ERMAP: variants seen among roughly 807,000 people sequenced by gnomAD.
ERMAP encodes erythroid membrane-associated protein.
In ERMAP, 34 loss-of-function variants were observed where a neutral mutation model predicts 49.5. The ratio of observed to expected loss-of-function variants is 0.69; its 90% CI spans 0.52 to 0.91. The LOEUF is 0.91. Among genes scored for constraint, ERMAP ranks in the 40% least tolerant of loss-of-function variants. The probability of loss-of-function intolerance (pLI) is 0.00; values close to 1 mark genes in which losing one functional copy is unlikely to be tolerated. For missense variants in ERMAP, 541 were observed against 582.6 expected (o/e 0.93, Z 0.74); for synonymous variants, 214 against 232.2 (o/e 0.92, Z 0.71).
At chr1:42,833,111 A>G (rs1172072703) in intron 4 of ERMAP, among the ~76,000 whole-genome samples, 2 of 152,256 alleles carry the variant, frequency 1.3e-5, no homozygotes, top group Admixed American at 6.5e-5. Context: ...TGGCCAAGAG[A>G]AGACCACAGC....
In ERMAP at chr1:42,817,335, G is replaced by A. The variant is rs1654266362; in HGVS notation, c.-122+82G>A. ...GTCCTGGGCGGGGCCGCGCGCCGGG[G>A]GGAGGGGCGCAGGGCCGAGCGCCAG... is the stretch of plus-strand genomic sequence containing the variant. On this transcript the variant is annotated intron_variant, in intron 1 of 11. Coordinates refer to ENST00000372517, the MANE Select transcript of ERMAP (RefSeq NM_001017922.2). 5.9e-6 allele frequency: 6 copies of A among 1,023,188 alleles called. No homozygotes were observed. The South Asian group carries it at 9.7e-5, about 17-fold the overall frequency. 63.4% of individuals were successfully genotyped at this position (1,023,188 alleles called of 1,614,324 possible). A position where few individuals can be genotyped will look rare whatever the true frequency, so the allele number is the denominator to read the frequency against.
intron 2 of ERMAP, among the ~76,000 whole-genome samples, chr1:42,826,331 A>G (rs546796943): frequency 3.4e-4 from 52 of 152,252 alleles, no homozygotes; most frequent in African/African-American, 1.2e-3. Flanking sequence ...GAAATGAATC[A>G]CCATCAAACA....
intron 7 of ERMAP, 26 bp downstream of exon 7, chr1:42,837,216 AG>A (rs757883611): frequency 4.4e-6 from 7 of 1,607,676 alleles, no homozygotes; most frequent in Non-Finnish European, 6.0e-6. Context: ...AGTAAGGGGT[AG>A]GGAACAAAAA....
Position 42,843,051 on chromosome 1 carries a change from A to C in ERMAP, c.1247A>C (p.His416Pro). The change falls in exon 12 of 12, where the codon CAC (histidine) becomes CCC (proline). Residue 416 changes from histidine (H) to proline (P), a missense_variant. Coordinates refer to ENST00000372517, the MANE Select transcript of ERMAP (RefSeq NM_001017922.2). ...CCTCTAGTCATTTGTTCAGAACTAC[A>C]CAAATCAGAGGAATCAATTGTCCCC... ...TAPLVICSEL[H>P]KSEESIVPRP... 6.2e-7 allele frequency: 1 copy of C among 1,614,184 alleles called. No homozygotes were observed. The highest frequency in any genetic ancestry group is 8.5e-7 in the Non-Finnish European group (1 of 1,180,026).
intron 1 of ERMAP, among the ~76,000 whole-genome samples, chr1:42,820,158 G>C (rs2124275246): frequency 6.6e-6 from 1 of 152,040 alleles, no homozygotes; most frequent in Middle Eastern, 3.4e-3. Flanking sequence ...GGCTACTCTT[G>C]AGGAGACTGA....
chr1:42,825,446 G>A, intron 1 of ERMAP, 177 bp from the exon 2 acceptor site: 1 of 1,154,800 alleles, frequency 8.7e-7, no homozygotes, highest in South Asian at 1.8e-5. Context: ...GTCATACTCA[G>A]TGGTTCCCTC....
rs1252962040 is a variant in ERMAP at position 42,835,748 on chromosome 1, A to G, written c.567A>G (p.Glu189=). 1.9e-6 allele frequency: 3 copies of G among 1,610,194 alleles called. No individual in the cohort carries two copies. Among genetic ancestry groups the G allele is most frequent in the Non-Finnish European group, 2.5e-6 (3 of 1,178,426 alleles). The change falls in exon 6 of 12, where the codon GAA becomes GAG. Residue 189 remains glutamate (E), a synonymous_variant. Coordinates refer to ENST00000372517, the MANE Select transcript of ERMAP (RefSeq NM_001017922.2). ...QRRAKEKLLY[E]HVTEVDNLLS... is the part of the protein sequence containing the mutation. ...CCCTTTTAGAAAAGCTTCTCTATGA[A>G]CATGTGACGGAGGTGGGTAAGTGTT...
At chr1:42,826,859 A>AG (rs1654568719) in intron 2 of ERMAP, among the ~76,000 whole-genome samples, 2 of 151,406 alleles carry the variant, frequency 1.3e-5, no homozygotes, top group African/African-American at 4.9e-5. Flanking sequence ...TGTCTCAAAA[A>AG]AAAAAAAAAA....
intron 1 of ERMAP, 64 bp from the exon 2 acceptor site, chr1:42,825,559 G>T (rs1485310509): frequency 8.1e-7 from 1 of 1,231,500 alleles, no homozygotes; most frequent in South Asian, 1.4e-5. Flanking sequence ...TTCTGTGGGG[G>T]CAGAGAGAGC....
chr1:42,835,831 C>T, intron 6 of ERMAP, 67 bp downstream of exon 6: 1 of 1,558,084 alleles, frequency 6.4e-7, no homozygotes, highest in South Asian at 1.3e-5. Flanking sequence ...GCCCCCCATA[C>T]CCACTAACCT....
chr1:42,825,170 C>T (rs186839118), intron 1 of ERMAP, among the ~76,000 whole-genome samples: 2 of 152,228 alleles, frequency 1.3e-5, no homozygotes, highest in Non-Finnish European at 2.9e-5. Context: ...AGGCGGGAAG[C>T]GTTTATCACA....
chr1:42,839,598 G>A lies in ERMAP; in HGVS notation c.638-435G>A, dbSNP rs190726943. ...GTACTCCAGCCTGGGCAAAAAGAGCGAAACTCCATCTCAAAATAAAAATAA... is the reference window on the plus strand; with the variant it reads ...GTACTCCAGCCTGGGCAAAAAGAGCAAAACTCCATCTCAAAATAAAAATAA... On this transcript the variant is annotated intron_variant, in intron 8 of 11. Coordinates refer to ENST00000372517, the MANE Select transcript of ERMAP (RefSeq NM_001017922.2). 4.3e-3 allele frequency: 840 copies of A among 193,770 alleles called. 2 individuals are homozygous for A. The highest frequency in any genetic ancestry group is 7.1e-3 in the Non-Finnish European group (660 of 93,150). The allele number at this position is 193,770 out of a possible 1,614,324, so 12.0% of individuals were successfully genotyped here.
In ERMAP at chr1:42,843,163, G is replaced by A; in HGVS notation, c.1359G>A (p.Lys453=). 1.2e-6 allele frequency: 2 copies of A among 1,614,038 alleles called. No individual in the cohort carries two copies. Among genetic ancestry groups the A allele is most frequent in the Non-Finnish European group, 1.7e-6 (2 of 1,179,960 alleles). The change falls in exon 12 of 12, where the codon AAG becomes AAA. Residue 453 remains lysine, a synonymous_variant. Transcript: ENST00000372517. The part of the protein sequence containing the change: ...SLLPPKAPEL[K]DIILSLPPDL... ...TACCCCCGAAGGCCCCAGAGCTGAA[G>A]GATATAATCCTGTCCTTGCCCCCTG...
chr1:42,832,044 A>G (rs887346282), intron 4 of ERMAP, among the ~76,000 whole-genome samples: 7 of 152,138 alleles, frequency 4.6e-5, no homozygotes, highest in African/African-American at 1.4e-4. Context: ...CTGGCTTCAC[A>G]TGGTCACATG....
At chr1:42,836,903 T>A (rs1170066961) in intron 6 of ERMAP, 191 of 265,718 alleles carry the variant, frequency 7.2e-4, no homozygotes, top group African/African-American at 1.2e-3. Context: ...GTGGCAGATT[T>A]AAAAAAAAAA....
intron 11 of ERMAP, 106 bp downstream of exon 11, chr1:42,840,402 A>T (rs1417968419): frequency 9.3e-6 from 13 of 1,393,552 alleles, no homozygotes; most frequent in Non-Finnish European, 1.2e-5. Context: ...TAATTTAAAA[A>T]TTTTTAAATC....
intron 7 of ERMAP, among the ~76,000 whole-genome samples, chr1:42,838,295 A>G (rs887240300): frequency 6.6e-6 from 1 of 152,138 alleles, no homozygotes; most frequent in Admixed American, 6.5e-5. Flanking sequence ...GGCCCTTAGC[A>G]CAGGGACTGG....
chr1:42,834,266 C>T (rs912852529), intron 4 of ERMAP, among the ~76,000 whole-genome samples: 1 of 150,078 alleles, frequency 6.7e-6, no homozygotes, highest in African/African-American at 2.5e-5. Context: ...GCTGCGGCAT[C>T]ATAGAAATTG....
intron 1 of ERMAP, 83 bp downstream of exon 1, chr1:42,817,336 G>A: frequency 2.0e-6 from 2 of 1,018,964 alleles, no homozygotes; most frequent in Non-Finnish European, 2.5e-6. Context: ...CGCGCCGGGG[G>A]GAGGGGCGCA....
Sources: gnomAD v4.1 joint callset for allele counts (sites outside exome capture counted in the v4.1 genomes callset) on GRCh38, gnomAD v4.1.1 for gene constraint, MANE v1.5 for transcripts, NCBI Gene and HGNC (gene_info 2026-07-23, HGNC 2026-07-21) for gene names.